The following MACROD2 variants were observed in gnomAD, a reference collection of about 807,000 sequenced individuals.
The protein encoded by MACROD2 is mono-ADP ribosylhydrolase 2, also known as ADP-ribose glycohydrolase MACROD2.
A neutral mutation model predicts 70.4 loss-of-function variants in MACROD2; 36 were observed. The observed-to-expected ratio is 0.51, with a 90% confidence interval of 0.39 to 0.68. MACROD2 has a LOEUF of 0.68. Among genes scored for constraint, MACROD2 ranks in the 30% least tolerant of loss-of-function variants. The pLI is 0.00. For missense variants in MACROD2, 496 were observed against 538.4 expected (o/e 0.92, Z 0.78); for synonymous variants, 172 against 178.8 (o/e 0.96, Z 0.30).
chr20:14,574,017 T>C (rs1216477986), intron 4 of MACROD2, among the ~76,000 whole-genome samples: 1 of 152,182 alleles, frequency 6.6e-6, no homozygotes, highest in African/African-American at 2.4e-5. Context: ...AGTAGTAGCC[T>C]TAACCACGTG....
intron 2 of MACROD2, among the ~76,000 whole-genome samples, chr20:14,019,212 G>A (rs1317332136): frequency 6.6e-6 from 1 of 152,178 alleles, no homozygotes; most frequent in East Asian, 1.9e-4. Flanking sequence ...CGTAGAGCTG[G>A]CTAAATAGGA....
At chr20:15,761,905 T>A (rs1010507288) in intron 8 of MACROD2, among the ~76,000 whole-genome samples, 2 of 152,216 alleles carry the variant, frequency 1.3e-5, no homozygotes, top group African/African-American at 4.8e-5. Flanking sequence ...AATTTCCCTA[T>A]TTACACACAG....
chr20:15,104,257 G>T (rs773528524), intron 5 of MACROD2, among the ~76,000 whole-genome samples: 7 of 152,100 alleles, frequency 4.6e-5, no homozygotes, highest in Non-Finnish European at 8.8e-5. Flanking sequence ...GAAAGAAATA[G>T]TATGATAGTA....
intron 8 of MACROD2, among the ~76,000 whole-genome samples, chr20:15,515,030 C>T (rs2047548657): frequency 6.6e-6 from 1 of 152,186 alleles, no homozygotes; most frequent in Admixed American, 6.5e-5. Flanking sequence ...GAAAGAGTTG[C>T]TTGGTAATTT....
intron 2 of MACROD2, among the ~76,000 whole-genome samples, chr20:14,007,362 T>C (rs1277550382): frequency 6.6e-6 from 1 of 152,130 alleles, no homozygotes; most frequent in African/African-American, 2.4e-5. Context: ...TCATTTTCAA[T>C]TTGCCCCTTC....
intron 5 of MACROD2, among the ~76,000 whole-genome samples, chr20:14,806,561 C>T (rs968354445): frequency 1.3e-5 from 2 of 152,160 alleles, no homozygotes; most frequent in South Asian, 4.1e-4. Flanking sequence ...TTTTGTACCC[C>T]ACTGGCACCT....
intron 5 of MACROD2, among the ~76,000 whole-genome samples, chr20:14,739,356 A>AG (rs2071705934): frequency 6.6e-6 from 1 of 151,960 alleles, no homozygotes; most frequent in African/African-American, 2.4e-5. Flanking sequence ...TTGGCAAAAA[A>AG]GGACAGGATA....
At chr20:14,811,294 A>G (rs1393754796) in intron 5 of MACROD2, among the ~76,000 whole-genome samples, 1 of 152,014 alleles carries the variant, frequency 6.6e-6, no homozygotes, top group Non-Finnish European at 1.5e-5. Flanking sequence ...CACATCTACA[A>G]CCACCTGATC....
intron 8 of MACROD2, among the ~76,000 whole-genome samples, chr20:15,850,280 G>A (rs761316173): frequency 1.3e-4 from 20 of 152,090 alleles, no homozygotes; most frequent in Non-Finnish European, 2.6e-4. Context: ...AAGGGTGATC[G>A]AACAGGGGGA....
At position 15,403,043 on chromosome 20, in the gene MACROD2, T is replaced by C. The variant is rs951907711; in HGVS notation, c.541-28362T>C. 2.0e-5 allele frequency among the ~76,000 whole-genome samples: 3 copies of C among 152,114 alleles called. No individual in the cohort carries two copies. In the South Asian group the frequency reaches 6.2e-4, roughly 32 times the overall value. ...GTGCAGTGGTGCAATCTTGGCTCAT[T>C]GCAACCTCCACCTCCTGGGTTCAAG... On this transcript the variant is annotated intron_variant, in intron 6 of 17. Transcript: ENST00000684519.
chr20:14,542,824 A>C (rs1016480980), intron 4 of MACROD2, among the ~76,000 whole-genome samples: 5 of 152,208 alleles, frequency 3.3e-5, no homozygotes, highest in African/African-American at 1.2e-4. Flanking sequence ...AAATTTTATA[A>C]TAGGATATAG....
At chr20:14,424,874 T>A (rs2065636) in intron 3 of MACROD2, among the ~76,000 whole-genome samples, 1 of 152,196 alleles carries the variant, frequency 6.6e-6, no homozygotes. Flanking sequence ...AGTAGATCAT[T>A]TTAGAGGAAC....
chr20:15,978,849 A>G (rs189367351), intron 13 of MACROD2, among the ~76,000 whole-genome samples: 8 of 152,328 alleles, frequency 5.3e-5, no homozygotes, highest in Admixed American at 4.6e-4. Flanking sequence ...AAACCGAAAT[A>G]TTTTGCAGAA....
At chr20:14,687,795 T>C (rs1337102500) in intron 5 of MACROD2, among the ~76,000 whole-genome samples, 1 of 152,194 alleles carries the variant, frequency 6.6e-6, no homozygotes, top group Non-Finnish European at 1.5e-5. Context: ...TATTTGTGAC[T>C]AGGTCTTGCT....
chr20:15,888,212 C>T (rs1027226639), intron 10 of MACROD2, among the ~76,000 whole-genome samples: 1 of 152,068 alleles, frequency 6.6e-6, no homozygotes, highest in South Asian at 2.1e-4. Flanking sequence ...ACATAGAGCT[C>T]AAGGTAAAAT....
At chr20:14,187,106 A>G (rs1376236152) in intron 3 of MACROD2, among the ~76,000 whole-genome samples, 2 of 151,314 alleles carry the variant, frequency 1.3e-5, no homozygotes. Flanking sequence ...ACCTAAACTA[A>G]AAGTTGAGAA....
intron 4 of MACROD2, among the ~76,000 whole-genome samples, chr20:14,658,264 T>C (rs1053086364): frequency 1.3e-5 from 2 of 152,220 alleles, no homozygotes; most frequent in African/African-American, 4.8e-5. Context: ...TTCCAAGTTA[T>C]ACTCATTTTG....
At chr20:14,500,737 T>G (rs1223996081) in intron 4 of MACROD2, among the ~76,000 whole-genome samples, 1 of 152,256 alleles carries the variant, frequency 6.6e-6, no homozygotes, top group African/African-American at 2.4e-5. Context: ...TTACTACACA[T>G]GCTCCCACTT....
At chr20:16,003,493 G>A (rs561270045) in intron 15 of MACROD2, among the ~76,000 whole-genome samples, 8 of 152,242 alleles carry the variant, frequency 5.3e-5, no homozygotes, top group South Asian at 2.1e-4. Flanking sequence ...AACAGGCTGC[G>A]TAACACTGCT....
Sources: allele counts gnomAD v4.1 joint callset (sites outside exome capture counted in the v4.1 genomes callset), GRCh38; gene constraint gnomAD v4.1.1; transcripts MANE v1.5; gene names NCBI Gene and HGNC (gene_info 2026-07-23, HGNC 2026-07-21).